Variants in CELF2 observed in about 807,000 individuals in gnomAD.
CELF2 encodes CUG triplet repeat RNA-binding protein 2.
CELF2 carries 8 observed loss-of-function variants against 62.6 expected under a neutral mutation model. The ratio of observed to expected loss-of-function variants is 0.13; its 90% CI spans 0.07 to 0.23. The LOEUF is 0.23. Among genes scored for constraint, CELF2 ranks in the 10% least tolerant of loss-of-function variants. The probability of loss-of-function intolerance (pLI) is 1.00; values close to 1 mark genes in which losing one functional copy is unlikely to be tolerated. For synonymous variants in CELF2, 258 were observed against 250.0 expected (o/e 1.03, Z -0.30); for missense variants, 333 against 671.0 (o/e 0.50, Z 5.56).
intron 4 of CELF2, among the ~76,000 whole-genome samples, chr10:11,252,744 G>A (rs940331836): frequency 3.9e-5 from 6 of 152,268 alleles, no homozygotes; most frequent in Middle Eastern, 3.4e-3. Flanking sequence ...TTCCATCCAC[G>A]TGCTCCCACA....
At chr10:11,235,180 CATAA>C (rs1490721578) in intron 3 of CELF2, among the ~76,000 whole-genome samples, 1 of 152,220 alleles carries the variant, frequency 6.6e-6, no homozygotes, top group African/African-American at 2.4e-5. Flanking sequence ...ACAAAGCAAA[CATAA>C]AGAGGCAAGC....
chr10:10,829,065 T>G (rs2057639722), intron 1 of CELF2, among the ~76,000 whole-genome samples: 1 of 152,234 alleles, frequency 6.6e-6, no homozygotes, highest in South Asian at 2.1e-4. Flanking sequence ...ATAAGTTATA[T>G]TACACAGAAT....
At position 11,075,625 on chromosome 10, in the gene CELF2, CA is replaced by C. The variant is rs1334686968; in HGVS notation, c.74+57463del. Among the ~76,000 whole-genome samples the C allele has an allele frequency of 1.3e-5, 2 of 152,102 alleles. No homozygotes were observed. The highest frequency in any genetic ancestry group is 2.4e-5 in the African/African-American group (1 of 41,396). On this transcript the variant is annotated intron_variant, in intron 1 of 12. Transcript: ENST00000633077. This position sits in a 1 kb window ranked among gnomAD's most constrained non-coding sequence, Gnocchi z 5.4. ...TATGGACTTAAATGTCCAGGGTCTACAGTGAATGTTGGTTTAGCGTTCACTT... is the reference window on the plus strand; with the variant it reads ...TATGGACTTAAATGTCCAGGGTCTACGTGAATGTTGGTTTAGCGTTCACTT...
the CELF2 span, among the ~76,000 whole-genome samples, chr10:10,495,925 A>T: frequency 6.6e-6 from 1 of 152,234 alleles, no homozygotes; most frequent in Admixed American, 6.5e-5. Flanking sequence ...TGATATTCCA[A>T]CCTGTGTGGA....
the CELF2 span, among the ~76,000 whole-genome samples, chr10:10,533,754 G>A: frequency 6.6e-6 from 1 of 152,188 alleles, no homozygotes; most frequent in Admixed American, 6.5e-5. Context: ...ATAAGTTAAG[G>A]TCAAAGTATG....
intron 1 of CELF2, among the ~76,000 whole-genome samples, chr10:10,885,252 A>C (rs1288166850): frequency 6.6e-6 from 1 of 152,028 alleles, no homozygotes; most frequent in African/African-American, 2.4e-5. Flanking sequence ...CAAAAAAAAA[A>C]CAAAAAAGAT....
intron 1 of CELF2, among the ~76,000 whole-genome samples, chr10:11,107,243 G>A (rs1440244119): frequency 6.6e-6 from 1 of 152,118 alleles, no homozygotes; most frequent in East Asian, 1.9e-4. Flanking sequence ...AGGGGGCTGG[G>A]GGGCTGTGGC....
intron 1 of CELF2, among the ~76,000 whole-genome samples, chr10:10,853,239 T>C (rs926617549): frequency 1.3e-5 from 2 of 152,180 alleles, no homozygotes; most frequent in Non-Finnish European, 2.9e-5. Flanking sequence ...CCTTGGCCTC[T>C]GAAAGTGCTG....
intron 1 of CELF2, among the ~76,000 whole-genome samples, chr10:10,893,162 G>T (rs747903267): frequency 6.6e-6 from 1 of 152,104 alleles, no homozygotes; most frequent in Non-Finnish European, 1.5e-5. Flanking sequence ...TCCCAATGAG[G>T]GCAGTCAATA....
the CELF2 span, among the ~76,000 whole-genome samples, chr10:10,471,718 AT>A: frequency 1.3e-5 from 2 of 151,800 alleles, no homozygotes; most frequent in Non-Finnish European, 2.9e-5. Flanking sequence ...AGAGAAAAAA[AT>A]ATGTTGATAT....
intron 1 of CELF2, among the ~76,000 whole-genome samples, chr10:11,073,153 A>G (rs1401868755): frequency 1.3e-5 from 2 of 152,212 alleles, no homozygotes; most frequent in African/African-American, 2.4e-5. Context: ...AACATTCACA[A>G]ATCTGGACAG....
At chr10:11,007,832 C>T (rs748804092) in intron 1 of CELF2, among the ~76,000 whole-genome samples, 5 of 152,128 alleles carry the variant, frequency 3.3e-5, no homozygotes, top group Non-Finnish European at 5.9e-5. Flanking sequence ...AAAGAAACGA[C>T]GTGGAAACCC....
At chr10:10,872,701 C>G (rs1331924324) in intron 1 of CELF2, among the ~76,000 whole-genome samples, 1 of 152,144 alleles carries the variant, frequency 6.6e-6, no homozygotes, top group African/African-American at 2.4e-5. Context: ...TTTAAAGGCT[C>G]TCCCATAGCC....
chr10:10,468,429 G>A, the CELF2 span, among the ~76,000 whole-genome samples: 3 of 151,932 alleles, frequency 2.0e-5, no homozygotes, highest in Non-Finnish European at 2.9e-5. Context: ...TCCATCTCCT[G>A]TTACAATTCC....
rs199932760 is a variant in CELF2, at chr10:11,257,351, AAAAAAC to A, written c.404-385_404-380del. On this transcript the variant is annotated intron_variant, in intron 4 of 12. Coordinates refer to ENST00000633077, the MANE Select transcript of CELF2 (RefSeq NM_001326342.2). ...AGACCATCTACAAAAAAAAAAAAAA[AAAAAAC>A]AGAATAAAATCTGTATCCAAAAATA... Among the ~76,000 whole-genome samples the A allele has an allele frequency of 8.5e-4, 128 of 150,614 alleles. 1 individual carries two copies. Among genetic ancestry groups the A allele is most frequent in the African/African-American group, 3.0e-3 (120 of 40,122 alleles).
intron 2 of CELF2, among the ~76,000 whole-genome samples, chr10:11,183,239 C>T (rs1588516282): frequency 6.6e-6 from 1 of 152,336 alleles, no homozygotes; most frequent in Admixed American, 6.5e-5. Flanking sequence ...TTTCTTGGAT[C>T]TGGCTTCCTT....
rs7923960 is a variant in CELF2 at position 10,883,385 on chromosome 10, A to G, written c.54-36579A>G. Among the ~76,000 whole-genome samples the G allele has an allele frequency of 1.5e-3, 223 of 152,350 alleles. 2 individuals carry two copies. The highest frequency in any genetic ancestry group is 5.1e-3 in the African/African-American group (213 of 41,586). On this transcript the variant is annotated intron_variant, in intron 1 of 13. Transcript: ENST00000636488. ...CATTTTTCGTGTTCCAAAATTTTCT[A>G]TCCTGTATAAGGAAAATAATGTTTT...
chr10:11,072,984 AT>A (rs2070628705), intron 1 of CELF2, among the ~76,000 whole-genome samples: 1 of 151,918 alleles, frequency 6.6e-6, no homozygotes, highest in Non-Finnish European at 1.5e-5. Flanking sequence ...TACATTATAT[AT>A]TATAAGTTAT....
At chr10:10,867,170 A>G (rs767897152) in intron 1 of CELF2, among the ~76,000 whole-genome samples, 1 of 152,122 alleles carries the variant, frequency 6.6e-6, no homozygotes, top group Non-Finnish European at 1.5e-5. Context: ...TGGTGTAAAT[A>G]TTTCTACCAT....
Sources: gnomAD v4.1 joint callset for allele counts (sites outside exome capture counted in the v4.1 genomes callset) on GRCh38, gnomAD v4.1.1 for gene constraint, Gnocchi (gnomAD v3.1) non-coding constraint, MANE v1.5 for transcripts, NCBI Gene and HGNC (gene_info 2026-07-23, HGNC 2026-07-21) for gene names.